The following ZNF483 variants were observed in gnomAD, a reference collection of about 807,000 sequenced individuals.
ZNF483 encodes zinc finger protein HIT-10.
In ZNF483, 9 loss-of-function variants were observed where a neutral mutation model predicts 28.6. That is an observed-to-expected ratio of 0.32 (90% CI 0.19 to 0.55). The LOEUF is 0.55. ZNF483 is among the 20% of genes least tolerant of loss of function. The pLI, the probability that ZNF483 is intolerant of heterozygous loss-of-function variation, is 0.93. For missense variants in ZNF483, 675 were observed against 871.7 expected, an observed-to-expected ratio of 0.77 and a Z score of 2.84; for synonymous variants, 322 against 306.2, an observed-to-expected ratio of 1.05 and a Z score of -0.54.
At chr9:111,528,929 C>A (rs998827209) in intron 2 of ZNF483, among the ~76,000 whole-genome samples, 48 of 151,936 alleles carry the variant, frequency 3.2e-4, no homozygotes, top group African/African-American at 1.1e-3. Flanking sequence ...GTGGATCACC[C>A]GAGGTCAGGA....
intron 5 of ZNF483, among the ~76,000 whole-genome samples, chr9:111,565,803 C>A (rs1828536938): frequency 6.6e-6 from 1 of 152,002 alleles, no homozygotes; most frequent in African/African-American, 2.4e-5. Context: ...GGGATTATAG[C>A]TATGAGCCAC....
At position 111,542,747 on chromosome 9, in the gene ZNF483, A is replaced by G. The variant is rs1827706123; in HGVS notation, c.1812A>G (p.Glu604=). 6.2e-7 allele frequency: 1 copy of G among 1,614,044 alleles called. No individual in the cohort carries two copies. The part of the protein sequence containing the change: ...LTRHQRIHTG[E]KPYLCNDCGM... ...GGCATCAGAGAATTCACACTGGAGAAAAACCATATTTGTGTAATGATTGCG... is the reference window on the plus strand; with the variant it reads ...GGCATCAGAGAATTCACACTGGAGAGAAACCATATTTGTGTAATGATTGCG... Residue 604 remains glutamate, a synonymous_variant, in exon 6 of 6, where the codon GAA becomes GAG. Transcript: ENST00000309235. This position sits in a 1 kb window ranked among gnomAD's most constrained non-coding sequence, Gnocchi z 6.2.
At chr9:111,534,716 A>G (rs1436447730) in intron 5 of ZNF483, among the ~76,000 whole-genome samples, 2 of 119,276 alleles carry the variant, frequency 1.7e-5, no homozygotes, top group African/African-American at 7.2e-5. Context: ...GTGTCGTTCT[A>G]TCTTTTTTTT....
chr9:111,529,074 G>A (rs983957540), intron 2 of ZNF483, among the ~76,000 whole-genome samples: 2 of 151,510 alleles, frequency 1.3e-5, no homozygotes, highest in Non-Finnish European at 2.9e-5. Context: ...AACCGGGGAG[G>A]TGGAGTGAGC....
In ZNF483 at chr9:111,542,122, G is replaced by A. The variant is rs1827688898; in HGVS notation, c.1187G>A (p.Gly396Glu). ...GDRSQKCSKCGIIFIRRSTLS... is the reference protein window; with the variant it reads ...GDRSQKCSKCEIIFIRRSTLS... ...AGGTCCCAAAAATGCAGTAAGTGTG[G>A]GATAATCTTTATTAGAAGATCAACT... Residue 396 changes from glycine to glutamate, a missense_variant, in exon 6 of 6, where the codon GGG (glycine) becomes GAG (glutamate). Transcript: ENST00000309235. This position sits in a 1 kb window ranked among gnomAD's most constrained non-coding sequence, Gnocchi z 6.2. 6.2e-7 allele frequency: 1 copy of A among 1,613,872 alleles called. No homozygotes were observed.
chr9:111,562,831 G>T, intron 5 of ZNF483: 1 of 608,090 alleles, frequency 1.6e-6, no homozygotes, highest in Non-Finnish European at 2.3e-6. Context: ...TCCCACTTAT[G>T]AATGAAAACA....
At chr9:111,528,464 T>TA (rs932340554) in intron 2 of ZNF483, among the ~76,000 whole-genome samples, 1 of 152,218 alleles carries the variant, frequency 6.6e-6, no homozygotes, top group Non-Finnish European at 1.5e-5. Flanking sequence ...ATTACGGTGA[T>TA]ATCATTATAA....
rs190805691 is a variant in ZNF483 at position 111,537,695 on chromosome 9, C to T, written c.721+3342C>T. 3.1e-3 allele frequency among the ~76,000 whole-genome samples: 472 copies of T among 152,240 alleles called. 1 individual carries two copies. The highest frequency in any genetic ancestry group is 5.0e-3 in the Admixed American group (77 of 15,278). On this transcript the variant is annotated intron_variant, in intron 5 of 5. Coordinates refer to ENST00000309235, the MANE Select transcript of ZNF483 (RefSeq NM_133464.5). ...AGGCTAGGGTGCAGTGGCATGATCA[C>T]GGCTCACTACAGCCTCCACCTCCTG...
chr9:111,526,898 A>T (rs902069866), intron 1 of ZNF483, among the ~76,000 whole-genome samples: 2 of 152,122 alleles, frequency 1.3e-5, no homozygotes, highest in Non-Finnish European at 2.9e-5. Context: ...TCAGGAGTTC[A>T]AGACTAGCCT....
rs1321174149 is a variant in ZNF483, at chr9:111,550,555, T to C, written c.*7385T>C. On this transcript the variant is annotated 3_prime_UTR_variant, in exon 6 of 6. Coordinates refer to ENST00000309235, the MANE Select transcript of ZNF483 (RefSeq NM_133464.5). ...ACCACTCAGAATTTCCCCTAGAAGC[T>C]ACAAGTGTTCAGATGGACTCATGTG... Among the ~76,000 whole-genome samples, 1 of 152,170 alleles carries C rather than the reference T, an allele frequency of 6.6e-6. No homozygotes were observed. The highest frequency in any genetic ancestry group is 1.5e-5 in the Non-Finnish European group (1 of 68,034).
In ZNF483 at chr9:111,570,260, G is replaced by A. The variant is rs748350109; in HGVS notation, c.722-6105G>A. On this transcript the variant is annotated intron_variant, in intron 5 of 5. Coordinates refer to the ZNF483 transcript ENST00000358151. ...TGGCAGGATCCAGGGAGGTGCCCAT[G>A]GTGAAACAAGCAGTACAGGTCACTG... is the stretch of plus-strand genomic sequence containing the variant. 1.3e-5 allele frequency: 20 copies of A among 1,579,230 alleles called. No homozygotes were observed. The Admixed American group carries it at 1.4e-4, about 11-fold the overall frequency.
chr9:111,531,637 A>C (rs1019676516), intron 3 of ZNF483, among the ~76,000 whole-genome samples: 5 of 151,924 alleles, frequency 3.3e-5, no homozygotes, highest in Admixed American at 2.0e-4. Context: ...CAGCCTCCCA[A>C]AGTGCTGGGA....
At position 111,545,731 on chromosome 9, in the gene ZNF483, T is replaced by A. The variant is rs1345497854; in HGVS notation, c.*2561T>A. On this transcript the variant is annotated 3_prime_UTR_variant, in exon 6 of 6. Coordinates refer to ENST00000309235, the MANE Select transcript of ZNF483 (RefSeq NM_133464.5). ...ATGTTGTAACATACTAGTACTTTAT[T>A]CCTTTTTATCATAAATAATATTACA... Among the ~76,000 whole-genome samples the A allele has an allele frequency of 6.6e-6, 1 of 152,182 alleles. No individual in the cohort carries two copies. Among genetic ancestry groups the A allele is most frequent in the East Asian group, 1.9e-4 (1 of 5,196 alleles).
rs756595807 is a variant in ZNF483, at chr9:111,543,148, G to A, written c.2213G>A (p.Arg738Gln). Reference protein sequence around the residue: ...FKSNSGLIRHRGFHSAE With the variant: ...FKSNSGLIRHQGFHSAE ...AGTAATTCAGGCCTCATTAGACATC[G>A]GGGATTTCACTCTGCAGAGTAATCC... Residue 738 changes from arginine (R) to glutamine (Q), a missense_variant, in exon 6 of 6, where the codon CGG becomes CAG. By Grantham distance (43) the Arg-to-Gln change is conservative (BLOSUM62 1). This residue lies in a region of ZNF483 where 55 missense variants were observed against 72.4 expected (regional missense o/e 0.76). Transcript: ENST00000309235. The A allele has an allele frequency of 5.0e-6, 8 of 1,608,526 alleles. No individual in the cohort carries two copies. The highest frequency in any genetic ancestry group is 1.7e-5 in the Admixed American group (1 of 59,544).
At chr9:111,574,614 A>T in intron 5 of ZNF483, 1 of 702,928 alleles carries the variant, frequency 1.4e-6, no homozygotes, top group Non-Finnish European at 2.2e-6. Flanking sequence ...TAAAAAAAAA[A>T]AAAAAAGAAT....
At chr9:111,528,070 A>G (rs1589265278) in intron 2 of ZNF483, 2 of 1,362,798 alleles carry the variant, frequency 1.5e-6, no homozygotes, top group African/African-American at 1.5e-5. Context: ...GATATAATAT[A>G]TGGTGGATGC....
At chr9:111,564,781 C>G (rs933712170) in intron 5 of ZNF483, among the ~76,000 whole-genome samples, 1 of 152,072 alleles carries the variant, frequency 6.6e-6, no homozygotes, top group African/African-American at 2.4e-5. Context: ...GTCCTAATCA[C>G]CAGTGCCTGA....
rs80223529 is a variant in ZNF483, at chr9:111,554,129, A to G, written c.*10959A>G. Among the ~76,000 whole-genome samples, 4,245 of 152,306 alleles carry G rather than the reference A, an allele frequency of 0.028. 117 individuals are homozygous for G. The highest frequency in any genetic ancestry group is 0.15 in the East Asian group (761 of 5,184). ...TCCCAGGATATTTTAAAATCTGGAG[A>G]TTATCACAACTACAACTATTGACAT... On this transcript the variant is annotated 3_prime_UTR_variant, in exon 6 of 6. Coordinates refer to ENST00000309235, the MANE Select transcript of ZNF483 (RefSeq NM_133464.5).
In ZNF483 at chr9:111,546,102, G is replaced by A. The variant is rs531270917; in HGVS notation, c.*2932G>A. Among the ~76,000 whole-genome samples, 9 of 152,152 alleles carry A rather than the reference G, an allele frequency of 5.9e-5. No homozygotes were observed. Among genetic ancestry groups the A allele is most frequent in the African/African-American group, 1.7e-4 (7 of 41,530 alleles). ...TTTTAAAAATTATGCCCATCCTAGC[G>A]TTTGAAATGATATTCCTTTGTGGTT... On this transcript the variant is annotated 3_prime_UTR_variant, in exon 6 of 6. Coordinates refer to ENST00000309235, the MANE Select transcript of ZNF483 (RefSeq NM_133464.5).
Sources: gnomAD v4.1 joint callset for allele counts (sites outside exome capture counted in the v4.1 genomes callset) on GRCh38, gnomAD v4.1.1 for gene constraint, gnomAD v4.1.1 regional missense constraint, Gnocchi (gnomAD v3.1) non-coding constraint, MANE v1.5 for transcripts, NCBI Gene and HGNC (gene_info 2026-07-23, HGNC 2026-07-21) for gene names.